RASAL2: variants seen among roughly 807,000 people sequenced by gnomAD.
RASAL2 encodes RAS protein activator like 2.
In RASAL2, 58 loss-of-function variants were observed where a neutral mutation model predicts 128.9. The observed-to-expected ratio is 0.45, with a 90% CI of 0.36 to 0.56. RASAL2 has a LOEUF of 0.56. Among genes scored for constraint, RASAL2 ranks in the 20% least tolerant of loss-of-function variants. RASAL2 has a pLI of 0.00. For missense variants in RASAL2, 1,360 were observed against 1,601.6 expected, an observed-to-expected ratio of 0.85 and a Z score of 2.57; for synonymous variants, 561 against 580.8, an observed-to-expected ratio of 0.97 and a Z score of 0.49.
In RASAL2 at chr1:178,333,323, G is replaced by A. The variant is rs150848852; in HGVS notation, c.457+33205G>A. Reference sequence around the variant, plus strand: ...ATTACAGGCGTAAGCCACCGCGCCCGGCCAGATTTATTAATATCTCTTTTA... The same window carrying A: ...ATTACAGGCGTAAGCCACCGCGCCCAGCCAGATTTATTAATATCTCTTTTA... On this transcript the variant is annotated intron_variant, in intron 3 of 17. Coordinates refer to ENST00000367649, the MANE Select transcript of RASAL2 (RefSeq NM_170692.4). 1.1e-4 allele frequency among the ~76,000 whole-genome samples: 17 copies of A among 152,254 alleles called. No individual in the cohort carries two copies. In the East Asian group the frequency reaches 1.9e-3, roughly 17 times the overall value.
At chr1:178,228,658 T>G (rs576124999) in intron 1 of RASAL2, among the ~76,000 whole-genome samples, 8 of 152,320 alleles carry the variant, frequency 5.3e-5, no homozygotes, top group African/African-American at 1.9e-4. Flanking sequence ...CTTGTTACCT[T>G]TAACCTTACC....
chr1:178,396,826 T>TAAAAAAAAAAAAAAAAAAAAAAAA (rs60205143), intron 4 of RASAL2, among the ~76,000 whole-genome samples: 1 of 134,164 alleles, frequency 7.5e-6, no homozygotes, highest in Non-Finnish European at 1.6e-5. Context: ...GAGTGGCTGG[T>TAAAAAAAAAAAAAAAAAAAAAAAA]AAAAAAAAAA....
chr1:178,402,601 T>C (rs536525577), intron 4 of RASAL2, among the ~76,000 whole-genome samples: 6 of 152,308 alleles, frequency 3.9e-5, no homozygotes, highest in African/African-American at 1.2e-4. Flanking sequence ...CCCTTCATTT[T>C]ATCCTTAGGA....
At chr1:178,451,183 T>A (rs12755248) in intron 9 of RASAL2, among the ~76,000 whole-genome samples, 1 of 152,162 alleles carries the variant, frequency 6.6e-6, no homozygotes, top group African/African-American at 2.4e-5. Context: ...CAATCAAGCT[T>A]GGGTCATTTG....
At chr1:178,118,814 T>G (rs576874072) in intron 1 of RASAL2, among the ~76,000 whole-genome samples, 7 of 152,072 alleles carry the variant, frequency 4.6e-5, no homozygotes, top group Non-Finnish European at 8.8e-5. Context: ...AATGACAGAT[T>G]GAGTTTGTTG....
rs543499669 is a variant in RASAL2, at chr1:178,148,433, CTTAT to C, written c.202+53766_202+53769del. Among the ~76,000 whole-genome samples the C allele has an allele frequency of 2.6e-3, 388 of 151,130 alleles. 3 individuals are homozygous for C. The highest frequency in any genetic ancestry group is 8.8e-3 in the African/African-American group (358 of 40,830). On this transcript the variant is annotated intron_variant, in intron 1 of 17. Transcript: ENST00000367649. ...CTTAATGTGGTTAATCTATTTCATT[CTTAT>C]TTATTTATTTATTTATTTATTTATT...
Position 178,407,685 on chromosome 1 carries a change from A to T in RASAL2, c.565-12826A>T, listed in dbSNP as rs527875756. On this transcript the variant is annotated intron_variant, in intron 4 of 17. Transcript: ENST00000367649. ...AATCCCTTGTGTGGTCACTGATGTG[A>T]AAAAGTCTCAAGCAGAATTAAAGCA... is the stretch of plus-strand genomic sequence containing the variant. 3.3e-5 allele frequency among the ~76,000 whole-genome samples: 5 copies of T among 152,238 alleles called. No homozygotes were observed. The South Asian group carries it at 8.3e-4, about 25-fold the overall frequency.
intron 1 of RASAL2, among the ~76,000 whole-genome samples, chr1:178,253,206 A>G (rs997437142): frequency 2.0e-5 from 3 of 151,996 alleles, no homozygotes; most frequent in Non-Finnish European, 2.9e-5. Flanking sequence ...CCGGTGTCAC[A>G]TGGCTGCCTT....
intron 1 of RASAL2, among the ~76,000 whole-genome samples, chr1:178,180,663 T>A (rs868795324): frequency 4.9e-4 from 68 of 139,212 alleles, no homozygotes; most frequent in South Asian, 9.5e-4. Flanking sequence ...CGAGACTGTC[T>A]CACACACACA....
chr1:178,228,219 T>G (rs1001514337), intron 1 of RASAL2, among the ~76,000 whole-genome samples: 1 of 152,208 alleles, frequency 6.6e-6, no homozygotes, highest in African/African-American at 2.4e-5. Context: ...TAATTGTATT[T>G]GATTTTGTTT....
chr1:178,290,539 A>G (rs1378257774), intron 2 of RASAL2, among the ~76,000 whole-genome samples: 1 of 152,214 alleles, frequency 6.6e-6, no homozygotes, highest in Admixed American at 6.5e-5. Flanking sequence ...TAAAGTTAAA[A>G]CCATTTGGAA....
chr1:178,252,335 C>T (rs1027538796), intron 1 of RASAL2, among the ~76,000 whole-genome samples: 1 of 151,976 alleles, frequency 6.6e-6, no homozygotes, highest in African/African-American at 2.4e-5. Context: ...TCACTATTCA[C>T]TTATACTAGG....
intron 1 of RASAL2, among the ~76,000 whole-genome samples, chr1:178,243,443 TC>T (rs1664609607): frequency 6.6e-6 from 1 of 151,844 alleles, no homozygotes; most frequent in South Asian, 2.1e-4. Context: ...TTGTGGTGCA[TC>T]CCCCTTTCTG....
intron 1 of RASAL2, among the ~76,000 whole-genome samples, chr1:178,144,696 G>C (rs1660659186): frequency 6.6e-6 from 1 of 152,166 alleles, no homozygotes; most frequent in South Asian, 2.1e-4. Context: ...TTTGTAAATG[G>C]TTGTGTAATA....
At chr1:178,196,037 G>A (rs1662647652) in intron 1 of RASAL2, among the ~76,000 whole-genome samples, 1 of 151,898 alleles carries the variant, frequency 6.6e-6, no homozygotes, top group Non-Finnish European at 1.5e-5. Context: ...AATATTTGAG[G>A]ATATTATATA....
rs1012510724 is a variant in RASAL2 at position 178,315,710 on chromosome 1, G to A, written c.457+15592G>A. ...TATTAGCCCTTTGTCAGATGAGTAG[G>A]TTGCGAAAACTTTCTCCCATTTTGT... On this transcript the variant is annotated intron_variant, in intron 3 of 17. Coordinates refer to ENST00000367649, the MANE Select transcript of RASAL2 (RefSeq NM_170692.4). Among the ~76,000 whole-genome samples the A allele has an allele frequency of 4.0e-4, 59 of 146,856 alleles. 8 individuals carry two copies. The highest frequency in any genetic ancestry group is 1.6e-3 in the African/African-American group (58 of 37,408).
At chr1:178,348,181 G>A (rs1325298863) in intron 3 of RASAL2, among the ~76,000 whole-genome samples, 3 of 152,222 alleles carry the variant, frequency 2.0e-5, no homozygotes, top group Admixed American at 1.3e-4. Flanking sequence ...TGCTGGTGAT[G>A]TTCTGTGGTG....
chr1:178,254,668 T>A (rs1388697893), intron 1 of RASAL2, among the ~76,000 whole-genome samples: 1 of 152,122 alleles, frequency 6.6e-6, no homozygotes, highest in Non-Finnish European at 1.5e-5. Context: ...AACACAAGGC[T>A]CCATCTTTCC....
chr1:178,154,759 A>G (rs2101884479), intron 1 of RASAL2, among the ~76,000 whole-genome samples: 1 of 152,164 alleles, frequency 6.6e-6, no homozygotes, highest in East Asian at 1.9e-4. Context: ...ATCAGGGGGC[A>G]CATAGTGTAT....
Sources: gnomAD v4.1 joint callset for allele counts (sites outside exome capture counted in the v4.1 genomes callset) on GRCh38, gnomAD v4.1.1 for gene constraint, MANE v1.5 for transcripts, NCBI Gene and HGNC (gene_info 2026-07-23, HGNC 2026-07-21) for gene names.